ANK1: variants seen among roughly 807,000 people sequenced by gnomAD.
ANK1 encodes the protein ankyrin 1.
A neutral mutation model predicts 210.4 loss-of-function variants in ANK1; 51 were observed. That is an observed-to-expected ratio of 0.24 (90% CI 0.19 to 0.31). ANK1 has a LOEUF of 0.31. Among genes scored for constraint, ANK1 ranks in the 10% least tolerant of loss-of-function variants. The probability of loss-of-function intolerance (pLI) is 1.00; values close to 1 mark genes in which losing one functional copy is unlikely to be tolerated. For missense variants in ANK1, 2,051 were observed against 2,504.4 expected (o/e 0.82, Z 3.86); for synonymous variants, 967 against 1,025.9 (o/e 0.94, Z 1.10).
chr8:41,684,393 G>C (rs1817054064), intron 37 of ANK1, 151 bp downstream of exon 37: 6 of 1,278,844 alleles, frequency 4.7e-6, no homozygotes, highest in East Asian at 2.3e-5. Context: ...TCCCCGGAAA[G>C]GAGGAACTTG....
intron 39 of ANK1, chr8:41,664,771 C>A: frequency 6.4e-7 from 1 of 1,571,260 alleles, no homozygotes; most frequent in East Asian, 2.4e-5. Flanking sequence ...GCGCCCACAC[C>A]ACCAGCCCTG....
At chr8:41,821,003 T>C (rs893109468) in intron 1 of ANK1, among the ~76,000 whole-genome samples, 1 of 152,206 alleles carries the variant, frequency 6.6e-6, no homozygotes, top group Non-Finnish European at 1.5e-5. Context: ...CTCCCTGATA[T>C]AGACAATTTT....
At chr8:41,875,810 T>C (rs997486067) in intron 1 of ANK1, among the ~76,000 whole-genome samples, 5 of 152,154 alleles carry the variant, frequency 3.3e-5, no homozygotes, top group African/African-American at 1.2e-4. Context: ...TTTTTTCCTC[T>C]TGGCAGTGTT....
chr8:41,684,363 C>T (rs1378450963), intron 37 of ANK1, 181 bp downstream of exon 37: 1 of 1,018,362 alleles, frequency 9.8e-7, no homozygotes, highest in East Asian at 2.4e-5. Flanking sequence ...GCAGCCATCT[C>T]TCTCTCCTTC....
intron 31 of ANK1, among the ~76,000 whole-genome samples, chr8:41,691,143 T>C (rs1819171409): frequency 6.6e-6 from 1 of 152,166 alleles, no homozygotes; most frequent in Non-Finnish European, 1.5e-5. Context: ...GGAGGATCAC[T>C]GGAGGCCAGG....
intron 1 of ANK1, among the ~76,000 whole-genome samples, chr8:41,888,507 C>T (rs1818844443): frequency 1.3e-5 from 2 of 152,338 alleles, no homozygotes; most frequent in Non-Finnish European, 2.9e-5. Flanking sequence ...GTATCATCTC[C>T]GTGTCCGGCT....
chr8:41,796,965 A>C (rs1848856287), intron 1 of ANK1, among the ~76,000 whole-genome samples: 1 of 152,158 alleles, frequency 6.6e-6, no homozygotes, highest in Non-Finnish European at 1.5e-5. Flanking sequence ...TCCTTCGTAG[A>C]CATATTTCTC....
At chr8:41,856,874 CTTTTTTT>C (rs35341809) in intron 1 of ANK1, among the ~76,000 whole-genome samples, 74 of 95,280 alleles carry the variant, frequency 7.8e-4, no homozygotes, top group African/African-American at 3.1e-3. Context: ...TAACAGCCCT[CTTTTTTT>C]TTTTTTTTTT....
At chr8:41,718,873 A>G (rs1412982829) in intron 10 of ANK1, among the ~76,000 whole-genome samples, 2 of 152,200 alleles carry the variant, frequency 1.3e-5, no homozygotes, top group South Asian at 4.1e-4. Flanking sequence ...AACACACAAG[A>G]CCACAAATAT....
intron 1 of ANK1, among the ~76,000 whole-genome samples, chr8:41,761,146 C>T (rs1018206544): frequency 1.4e-5 from 2 of 147,290 alleles, no homozygotes; most frequent in African/African-American, 5.1e-5. Flanking sequence ...CACACACATG[C>T]ATGCACATAT....
At chr8:41,822,130 AAG>A (rs61024889) in intron 1 of ANK1, among the ~76,000 whole-genome samples, 1,734 of 27,790 alleles carry the variant, frequency 0.062, 54 homozygotes, top group African/African-American at 0.16. Flanking sequence ...AAGAGAAAGA[AAG>A]AGAAAGAAAG....
chr8:41,710,913 C>G (rs1056511296), intron 16 of ANK1, among the ~76,000 whole-genome samples: 1 of 152,144 alleles, frequency 6.6e-6, no homozygotes, highest in African/African-American at 2.4e-5. Context: ...TGTGGTGAAA[C>G]GAAAAGTTGA....
intron 37 of ANK1, among the ~76,000 whole-genome samples, chr8:41,679,189 G>C (rs954402958): frequency 1.3e-5 from 2 of 152,196 alleles, no homozygotes; most frequent in Non-Finnish European, 2.9e-5. Context: ...TTGTGTGTCT[G>C]ATTACTTTTA....
chr8:41,835,406 C>T (rs62508229), intron 1 of ANK1, among the ~76,000 whole-genome samples: 360 of 151,986 alleles, frequency 2.4e-3, no homozygotes, highest in Non-Finnish European at 3.8e-3. Flanking sequence ...GAGCTGAGAT[C>T]GTATTATTGC....
intron 1 of ANK1, among the ~76,000 whole-genome samples, chr8:41,834,223 C>T (rs994992296): frequency 1.2e-4 from 19 of 152,162 alleles, no homozygotes; most frequent in East Asian, 5.8e-4. Flanking sequence ...CTCTGGCTGC[C>T]GAGGCCTCCA....
chr8:41,848,707 A>G (rs1810574017), intron 1 of ANK1, among the ~76,000 whole-genome samples: 1 of 152,244 alleles, frequency 6.6e-6, no homozygotes, highest in Non-Finnish European at 1.5e-5. Flanking sequence ...CAACTTGAAA[A>G]TAGCCCCAGG....
intron 1 of ANK1, among the ~76,000 whole-genome samples, chr8:41,780,915 T>A (rs1026763987): frequency 6.6e-6 from 1 of 151,192 alleles, no homozygotes; most frequent in Non-Finnish European, 1.5e-5. Flanking sequence ...GGGGACAGGG[T>A]TGGGGGAGAG....
At chr8:41,876,400 G>T (rs1245062100) in intron 1 of ANK1, among the ~76,000 whole-genome samples, 1 of 152,242 alleles carries the variant, frequency 6.6e-6, no homozygotes, top group Non-Finnish European at 1.5e-5. Context: ...CCCGGAGAGG[G>T]GCTGACACTG....
chr8:41,801,491 G>T (rs1383654250), upstream of ANK1, among the ~76,000 whole-genome samples: 1 of 152,166 alleles, frequency 6.6e-6, no homozygotes, highest in East Asian at 1.9e-4. Flanking sequence ...CAACAGCAGG[G>T]TTATGTGGTT....
Sources: allele counts gnomAD v4.1 joint callset (sites outside exome capture counted in the v4.1 genomes callset), GRCh38; gene constraint gnomAD v4.1.1; transcripts MANE v1.5; gene names NCBI Gene and HGNC (gene_info 2026-07-23, HGNC 2026-07-21).